ABCC3: variants seen among roughly 807,000 people sequenced by gnomAD.
The protein encoded by ABCC3 is ATP binding cassette subfamily C member 3, also known as ATP-binding cassette sub-family C member 3.
ABCC3 carries 121 observed loss-of-function variants against 165.3 expected under a neutral mutation model. That is an observed-to-expected ratio of 0.73 (90% CI 0.63 to 0.85). The LOEUF (loss-of-function observed/expected upper bound fraction) is 0.85. Ranked by LOEUF, ABCC3 falls within the 40% of genes least tolerant of loss-of-function variation. The pLI is 0.00. For missense variants in ABCC3, 1,869 were observed against 1,964.1 expected (o/e 0.95, Z 0.92); for synonymous variants, 733 against 810.1 (o/e 0.90, Z 1.62).
chr17:50,640,368 G>C (rs2054216936), intron 1 of ABCC3, among the ~76,000 whole-genome samples: 1 of 152,236 alleles, frequency 6.6e-6, no homozygotes, highest in African/African-American at 2.4e-5. Flanking sequence ...GGTGTCAGCT[G>C]TCATGAGCGT....
At position 50,678,084 on chromosome 17, in the gene ABCC3, C is replaced by T. The variant is rs1967861742; in HGVS notation, c.3579-9C>T. ...CTGCCCCATTTCCTCCTCATCTGAT[C>T]CCCCATAGGTGGCTGAGCATCGGAG... is the stretch of plus-strand genomic sequence containing the variant. On this transcript the variant is annotated splice_polypyrimidine_tract_variant and intron_variant, in intron 24 of 30. Coordinates refer to ENST00000285238, the MANE Select transcript of ABCC3 (RefSeq NM_003786.4). The T allele has an allele frequency of 3.1e-6, 5 of 1,610,126 alleles. No individual in the cohort carries two copies. The highest frequency in any genetic ancestry group is 2.2e-5 in the East Asian group (1 of 44,830).
At chr17:50,686,364 G>A (rs1968021720) in intron 29 of ABCC3, among the ~76,000 whole-genome samples, 1 of 152,110 alleles carries the variant, frequency 6.6e-6, no homozygotes, top group African/African-American at 2.4e-5. Context: ...GGGGACTCTG[G>A]CTCTGTCCCA....
At chr17:50,678,783 G>A (rs944212551) in intron 25 of ABCC3, 1 of 152,200 alleles carries the variant, frequency 6.6e-6, no homozygotes, top group Admixed American at 6.5e-5. Context: ...AGCCAGCCGT[G>A]GTGGCGGGCA....
chr17:50,651,832 A>G (rs1967121424), intron 1 of ABCC3, among the ~76,000 whole-genome samples: 1 of 152,248 alleles, frequency 6.6e-6, no homozygotes, highest in Admixed American at 6.5e-5. Context: ...TGGATTGCCT[A>G]TAAAGATGAG....
At position 50,673,027 on chromosome 17, in the gene ABCC3, C is replaced by T; in HGVS notation, c.2298C>T (p.Tyr766=). ...RQRVSLARAV[Y]SDADIFLLDD... ...GGGTCAGTCTGGCTCGAGCTGTTTA[C>T]AGTGATGCCGATATTTTCTTGCTGG... Residue 766 remains tyrosine, a synonymous_variant, in exon 18 of 31, where the codon TAC becomes TAT. Transcript: ENST00000285238. 6.2e-7 allele frequency: 1 copy of T among 1,614,160 alleles called. No homozygotes were observed. The highest frequency in any genetic ancestry group is 8.5e-7 in the Non-Finnish European group (1 of 1,180,044).
chr17:50,655,424 AAAAC>A, intron 1 of ABCC3, among the ~76,000 whole-genome samples: 3 of 147,412 alleles, frequency 2.0e-5, no homozygotes, highest in South Asian at 2.2e-4. Flanking sequence ...AAAAAAAACA[AAAAC>A]AAAAAAAAAA....
intron 7 of ABCC3, among the ~76,000 whole-genome samples, chr17:50,659,787 C>A (rs902538079): frequency 6.6e-6 from 1 of 152,070 alleles, no homozygotes; most frequent in African/African-American, 2.4e-5. Flanking sequence ...GAGTTCAAGA[C>A]CAGCCTGGGC....
intron 18 of ABCC3, 122 bp from the exon 19 acceptor site, chr17:50,673,347 C>G: frequency 7.5e-7 from 1 of 1,334,892 alleles, no homozygotes; most frequent in Non-Finnish European, 1.0e-6. Flanking sequence ...GGTGAGTCAC[C>G]CATGTGCCTG....
chr17:50,659,124 GGGAGACCCTCCTTTCT>G, intron 6 of ABCC3, 97 bp from the exon 7 acceptor site: 1 of 1,328,246 alleles, frequency 7.5e-7, no homozygotes, highest in Non-Finnish European at 1.0e-6. Flanking sequence ...CAGTGCCCGA[GGGAGACCCTCCTTTCT>G]GGAGACCCTG....
In ABCC3 at chr17:50,673,515, A is replaced by T; in HGVS notation, c.2456A>T (p.Asp819Val). 4 of 1,614,098 alleles carry T rather than the reference A, an allele frequency of 2.5e-6. No individual in the cohort carries two copies. Among genetic ancestry groups the T allele is most frequent in the Non-Finnish European group, 3.4e-6 (4 of 1,180,028 alleles). The part of the protein sequence containing the change: ...THGISFLPQT[D>V]FIIVLADGQV... Reference sequence around the variant, plus strand: ...GGCATTAGCTTCCTGCCCCAGACAGACTTCATCATTGTGCTAGCTGATGGA... The same window carrying T: ...GGCATTAGCTTCCTGCCCCAGACAGTCTTCATCATTGTGCTAGCTGATGGA... The change falls in exon 19 of 31, where the codon GAC becomes GTC. Residue 819 changes from aspartate to valine, a missense_variant. Physicochemically the swap from Asp to Val is radical, Grantham distance 152. Coordinates refer to ENST00000285238, the MANE Select transcript of ABCC3 (RefSeq NM_003786.4).
chr17:50,652,142 A>G (rs944555166), intron 1 of ABCC3, among the ~76,000 whole-genome samples: 14 of 152,246 alleles, frequency 9.2e-5, no homozygotes, highest in African/African-American at 3.4e-4. Flanking sequence ...GAGCTCTTTC[A>G]TAATTTAATT....
At position 50,667,948 on chromosome 17, in the gene ABCC3, T is replaced by C; in HGVS notation, c.1721T>C (p.Leu574Ser). The change falls in exon 13 of 31, where the codon TTG (leucine) becomes TCG (serine). Residue 574 changes from leucine to serine, a missense_variant. By Grantham distance (145) the Leu-to-Ser change is moderately radical. Coordinates refer to ENST00000285238, the MANE Select transcript of ABCC3 (RefSeq NM_003786.4). ...GAGAAGGCCTTTGTGTCTGTGTCCT[T>C]GTTTAATATCTTAAGACTTCCCCTC... ...DAEKAFVSVS[L>S]FNILRLPLNM... 2 of 1,614,152 alleles carry C rather than the reference T, an allele frequency of 1.2e-6. No homozygotes were observed. The highest frequency in any genetic ancestry group is 1.7e-6 in the Non-Finnish European group (2 of 1,180,010).
At chr17:50,677,618 C>T (rs1416710926) in intron 23 of ABCC3, 126 bp from the exon 24 acceptor site, 10 of 915,690 alleles carry the variant, frequency 1.1e-5, no homozygotes, top group Non-Finnish European at 1.7e-5. Flanking sequence ...GGGAAGGCAG[C>T]GATGTCTCGT....
Position 50,661,073 on chromosome 17 carries a change from T to C in ABCC3, c.957T>C (p.Leu319=), listed in dbSNP as rs781396188. The C allele has an allele frequency of 2.5e-6, 4 of 1,614,152 alleles. No homozygotes were observed. The highest frequency in any genetic ancestry group is 1.7e-4 in the Middle Eastern group (1 of 6,058). ...SSFLISACFK[L]IQDLLSFINP... ...TCCTCATCAGTGCCTGCTTCAAGCT[T>C]ATCCAGGACCTGCTCTCCTTCATCA... The change falls in exon 8 of 31, where the codon CTT becomes CTC. Residue 319 remains leucine (L), a synonymous_variant. Transcript: ENST00000285238.
Position 50,668,081 on chromosome 17 carries a change from G to A in ABCC3, c.1782+72G>A, listed in dbSNP as rs966514869. On this transcript the variant is annotated intron_variant, in intron 13 of 30. Transcript: ENST00000285238. ...GTTGGGGTCAGGGAAGGGTCACTTA[G>A]GGCAAGGGATAATCAGGGGGAGTTA... The A allele has an allele frequency of 3.0e-6, 4 of 1,317,408 alleles. No homozygotes were observed. In the East Asian group the frequency reaches 6.9e-5, roughly 23 times the overall value. 81.6% of individuals were successfully genotyped at this position (1,317,408 alleles called of 1,614,324 possible).
chr17:50,647,695 A>G (rs1967028939), intron 1 of ABCC3, among the ~76,000 whole-genome samples: 3 of 152,220 alleles, frequency 2.0e-5, no homozygotes, highest in Non-Finnish European at 2.9e-5. Flanking sequence ...GGGGAAGCCC[A>G]CACTGTTGCA....
intron 30 of ABCC3, among the ~76,000 whole-genome samples, chr17:50,689,207 A>T (rs1490954728): frequency 6.6e-6 from 1 of 152,210 alleles, no homozygotes; most frequent in Non-Finnish European, 1.5e-5. Flanking sequence ...AAAGTCAATG[A>T]AAGATATTTA....
chr17:50,655,820 CTG>C lies in ABCC3; in HGVS notation c.46-8_46-7del. On this transcript the variant is annotated splice_polypyrimidine_tract_variant and intron_variant, in intron 1 of 30. Coordinates refer to ENST00000285238, the MANE Select transcript of ABCC3 (RefSeq NM_003786.4). ...GGCTGCCACAGCACTAAACTGTTCT[CTG>C]TGTCCCCAGGACTCCAACCTGTCTG... 2 of 1,613,446 alleles carry C rather than the reference CTG, an allele frequency of 1.2e-6. No homozygotes were observed. Among genetic ancestry groups the C allele is most frequent in the Middle Eastern group, 1.7e-4 (1 of 6,058 alleles).
intron 7 of ABCC3, 75 bp downstream of exon 7, chr17:50,659,443 C>G: frequency 6.6e-7 from 1 of 1,511,234 alleles, no homozygotes; most frequent in Non-Finnish European, 8.9e-7. Context: ...GCTGGTAGAC[C>G]TTGGAGGGCG....
Sources: gnomAD v4.1 joint callset for allele counts (sites outside exome capture counted in the v4.1 genomes callset) on GRCh38, gnomAD v4.1.1 for gene constraint, MANE v1.5 for transcripts, NCBI Gene and HGNC (gene_info 2026-07-23, HGNC 2026-07-21) for gene names.